The following TBXAS1 variants were observed in gnomAD, a reference collection of about 807,000 sequenced individuals.
The protein encoded by TBXAS1 is thromboxane A synthase 1, also known as thromboxane-A synthase.
Under a neutral mutation model 60.7 loss-of-function variants are expected in TBXAS1, and 48 were observed. The observed-to-expected ratio is 0.79, with a 90% CI of 0.63 to 1.01. The LOEUF is 1.01. TBXAS1 is among the 50% of genes least tolerant of loss of function. TBXAS1 has a pLI of 0.00. For synonymous variants in TBXAS1, 287 were observed against 269.7 expected (o/e 1.06, Z -0.63); for missense variants, 685 against 686.3 (o/e 1.00, Z 0.02).
At chr7:139,893,563 G>GA (rs1314128015) in intron 3 of TBXAS1, among the ~76,000 whole-genome samples, 2 of 152,084 alleles carry the variant, frequency 1.3e-5, no homozygotes, top group Admixed American at 6.5e-5. Flanking sequence ...TTCTTACTGT[G>GA]AAAAAAATTG....
At chr7:139,959,721 C>A (rs1257641353) in intron 8 of TBXAS1, among the ~76,000 whole-genome samples, 1 of 152,142 alleles carries the variant, frequency 6.6e-6, no homozygotes, top group African/African-American at 2.4e-5. Context: ...TGCCCTCCCT[C>A]CCATCATTAC....
chr7:139,872,192 G>A, intron 1 of TBXAS1, 43 bp from the exon 2 acceptor site: 1 of 1,558,312 alleles, frequency 6.4e-7, no homozygotes, highest in Non-Finnish European at 8.9e-7. Context: ...AAGCATGAGT[G>A]CAACTTCATT....
At chr7:139,914,680 T>G (rs966200532) in intron 4 of TBXAS1, among the ~76,000 whole-genome samples, 1 of 152,160 alleles carries the variant, frequency 6.6e-6, no homozygotes, top group Non-Finnish European at 1.5e-5. Context: ...AAGCCTTCCC[T>G]GCCTCCATCC....
intron 4 of TBXAS1, among the ~76,000 whole-genome samples, chr7:139,804,561 T>C (rs374042763): frequency 2.0e-5 from 3 of 152,192 alleles, no homozygotes; most frequent in African/African-American, 4.8e-5. Flanking sequence ...GGCAGAATTA[T>C]ATGGTTTGGC....
intron 9 of TBXAS1, among the ~76,000 whole-genome samples, chr7:140,006,002 T>C (rs992450493): frequency 6.6e-6 from 1 of 152,152 alleles, no homozygotes; most frequent in Non-Finnish European, 1.5e-5. Context: ...TCCAGGGCTG[T>C]GAAGGGCTCC....
intron 3 of TBXAS1, among the ~76,000 whole-genome samples, chr7:139,886,327 T>C (rs2116902177): frequency 1.3e-5 from 2 of 151,954 alleles, no homozygotes; most frequent in East Asian, 3.9e-4. Flanking sequence ...GGTCTGACTC[T>C]CTGACATGTT....
At chr7:139,875,733 C>T in intron 3 of TBXAS1, 96 bp downstream of exon 3, 2 of 1,441,954 alleles carry the variant, frequency 1.4e-6, no homozygotes, top group Non-Finnish European at 1.9e-6. Context: ...GAAGAAATGC[C>T]AAGATTAGGA....
chr7:139,839,576 T>C (rs1033626631), intron 1 of TBXAS1, among the ~76,000 whole-genome samples: 3 of 150,698 alleles, frequency 2.0e-5, no homozygotes, highest in Non-Finnish European at 2.9e-5. Context: ...TGGTGGCTTA[T>C]GCCCAAAATC....
intron 3 of TBXAS1, among the ~76,000 whole-genome samples, chr7:139,881,780 G>A (rs1285728007): frequency 6.6e-6 from 1 of 152,166 alleles, no homozygotes; most frequent in African/African-American, 2.4e-5. Context: ...GGTATAAAGG[G>A]CCTGACACTT....
intron 4 of TBXAS1, among the ~76,000 whole-genome samples, chr7:139,927,209 G>A (rs1330988962): frequency 6.6e-6 from 1 of 151,110 alleles, no homozygotes; most frequent in Non-Finnish European, 1.5e-5. Flanking sequence ...TGTTAGCCAG[G>A]CTGGTCTCAA....
At position 139,921,452 on chromosome 7, in the gene TBXAS1, A is replaced by C. The variant is rs916819491; in HGVS notation, c.333+10131A>C. On this transcript the variant is annotated intron_variant, in intron 4 of 12. Transcript: ENST00000448866. The stretch of plus-strand genomic sequence containing the variant: ...TGGTGGCTCAGTCCTGTAATTTTGC[A>C]CTTTGGGAGGCTGAGGCAGGAAGAT... Among the ~76,000 whole-genome samples, 13 of 152,146 alleles carry C rather than the reference A, an allele frequency of 8.5e-5. No homozygotes were observed. The East Asian group carries it at 2.5e-3, about 29-fold the overall frequency.
chr7:139,953,568 A>T, intron 6 of TBXAS1, 112 bp downstream of exon 6: 1 of 981,084 alleles, frequency 1.0e-6, no homozygotes, highest in Non-Finnish European at 1.6e-6. Context: ...GAAACGCTAG[A>T]AGCTCATAAA....
At chr7:139,984,748 AAAAG>A (rs1250809135) in intron 9 of TBXAS1, among the ~76,000 whole-genome samples, 47 of 134,086 alleles carry the variant, frequency 3.5e-4, no homozygotes, top group Admixed American at 1.1e-3. Context: ...GAAGAAAAAG[AAAAG>A]AAAGAAAGAA....
Position 139,896,962 on chromosome 7 carries a change from C to CAGAG in TBXAS1, c.237-14260_237-14257dup, listed in dbSNP as rs1804148833. ...CTTGGCGGGAGGGTTGGTTTGGAGA[C>CAGAG]AGAGAGCTTCACTGGGAGCTCCTCA... On this transcript the variant is annotated intron_variant, in intron 3 of 12. Coordinates refer to ENST00000448866, the MANE Select transcript of TBXAS1 (RefSeq NM_001061.7). The surrounding 1 kb of genome is among the most constrained non-coding windows in gnomAD (Gnocchi z 4.0). Among the ~76,000 whole-genome samples the CAGAG allele has an allele frequency of 6.6e-6, 1 of 152,136 alleles. No individual in the cohort carries two copies. Among genetic ancestry groups the CAGAG allele is most frequent in the Non-Finnish European group, 1.5e-5 (1 of 68,032 alleles).
chr7:139,918,616 G>A (rs1444109202), intron 4 of TBXAS1, among the ~76,000 whole-genome samples: 1 of 152,192 alleles, frequency 6.6e-6, no homozygotes, highest in African/African-American at 2.4e-5. Context: ...GGGGCTGATA[G>A]AAGCACAGTT....
intron 1 of TBXAS1, among the ~76,000 whole-genome samples, chr7:139,858,040 T>C (rs952871320): frequency 6.6e-6 from 1 of 152,172 alleles, no homozygotes; most frequent in Non-Finnish European, 1.5e-5. Flanking sequence ...GGCCTTGGGC[T>C]GAATTTTCTT....
At chr7:139,986,183 T>C (rs1341474910) in intron 9 of TBXAS1, among the ~76,000 whole-genome samples, 3 of 152,200 alleles carry the variant, frequency 2.0e-5, no homozygotes, top group Non-Finnish European at 4.4e-5. Flanking sequence ...GCTAGTGTTA[T>C]TCTAAGTGAG....
chr7:139,845,242 T>C (rs2116605515), intron 1 of TBXAS1, among the ~76,000 whole-genome samples: 1 of 152,218 alleles, frequency 6.6e-6, no homozygotes, highest in African/African-American at 2.4e-5. Context: ...ATAAAACCCT[T>C]TCCTGGTCCT....
chr7:139,830,475 C>G (rs1382839172), intron 1 of TBXAS1, among the ~76,000 whole-genome samples: 1 of 152,006 alleles, frequency 6.6e-6, no homozygotes, highest in Non-Finnish European at 1.5e-5. Context: ...GAAATTACTT[C>G]TTGGAAATTG....
Sources: gnomAD v4.1 joint callset for allele counts (sites outside exome capture counted in the v4.1 genomes callset) on GRCh38, gnomAD v4.1.1 for gene constraint, Gnocchi (gnomAD v3.1) non-coding constraint, MANE v1.5 for transcripts, NCBI Gene and HGNC (gene_info 2026-07-23, HGNC 2026-07-21) for gene names.